SYP: variants seen among roughly 807,000 people sequenced by gnomAD.
SYP encodes synaptophysin, also known as major synaptic vesicle protein P38.
In SYP, 2 loss-of-function variants were observed where a neutral mutation model predicts 24.3. That is an observed-to-expected ratio of 0.08 (90% CI 0.03 to 0.26). The LOEUF (loss-of-function observed/expected upper bound fraction) is 0.26. Ranked by LOEUF, SYP falls within the 10% of genes least tolerant of loss-of-function variation. The pLI is 1.00. For missense variants in SYP, 216 were observed against 266.3 expected, an observed-to-expected ratio of 0.81 and a Z score of 1.32; for synonymous variants, 143 against 123.2, an observed-to-expected ratio of 1.16 and a Z score of -1.07.
At chrX:49,192,981 A>G (rs1557102936) in intron 5 of SYP, among the ~76,000 whole-genome samples, 1 of 111,731 alleles carries the variant, frequency 9.0e-6, no homozygotes, top group African/African-American at 3.3e-5. Flanking sequence ...CATTTTGCAC[A>G]TGAGGAAACT....
At chrX:49,199,567 G>A (rs782730055) in intron 1 of SYP, among the ~76,000 whole-genome samples, 1 of 105,822 alleles carries the variant, frequency 9.4e-6, no homozygotes, top group East Asian at 3.0e-4. Flanking sequence ...GAGACATGGC[G>A]GAGAGGGTCT....
chrX:49,196,111 A>G (rs782291179), intron 3 of SYP, among the ~76,000 whole-genome samples: 1 of 111,255 alleles, frequency 9.0e-6, no homozygotes, highest in Non-Finnish European at 1.9e-5. Flanking sequence ...TTAGGACCCA[A>G]AGTTCTAGAC....
intron 1 of SYP, 179 bp from the exon 2 acceptor site, chrX:49,199,212 G>A: frequency 2.1e-6 from 1 of 482,638 alleles, no homozygotes; most frequent in Admixed American, 3.0e-5. Flanking sequence ...TGGTGGGAAG[G>A]TCTGAAGAGA....
intron 5 of SYP, 88 bp downstream of exon 5, chrX:49,193,182 ACT>A: frequency 9.5e-7 from 1 of 1,054,496 alleles, no homozygotes; most frequent in African/African-American, 1.9e-5. Context: ...ATCTCCCCTG[ACT>A]CTCCTCTTAT....
Position 49,199,022 on chromosome X carries a change from C to A in SYP, c.48G>T (p.Gly16=). The part of the protein sequence containing the change: ...DMDVVNQLVA[G]GQFRVVKEPL... Reference sequence around the variant, plus strand: ...GCTCCTTGACCACCCGGAACTGACCCCCAGCCACCAGCTGAGGAGAGAAAC... The same window carrying A: ...GCTCCTTGACCACCCGGAACTGACCACCAGCCACCAGCTGAGGAGAGAAAC... The change falls in exon 2 of 7, where the codon GGG becomes GGT. Residue 16 remains glycine, a synonymous_variant. Transcript: ENST00000263233. 2 of 1,211,584 alleles carry A rather than the reference C, an allele frequency of 1.7e-6. No individual in the cohort carries two copies.
chrX:49,198,758 C>T (rs1309935214), intron 2 of SYP: 2 of 435,820 alleles, frequency 4.6e-6, no homozygotes, highest in Non-Finnish European at 8.1e-6. Context: ...CACTTCACAA[C>T]GGGGGTACCC....
At chrX:49,192,460 T>G (rs2065513727) in intron 5 of SYP, among the ~76,000 whole-genome samples, 1 of 112,934 alleles carries the variant, frequency 8.9e-6, no homozygotes, top group Non-Finnish European at 1.9e-5. Flanking sequence ...CCCATAGTGC[T>G]GGGATTACTG....
At chrX:49,194,428 T>C in intron 3 of SYP, 67 bp from the exon 4 acceptor site, 4 of 1,082,297 alleles carry the variant, frequency 3.7e-6, no homozygotes, top group Non-Finnish European at 5.1e-6. Context: ...AGCCCAATCA[T>C]GGGTCCCCCC....
chrX:49,199,212 G>T, intron 1 of SYP, 179 bp from the exon 2 acceptor site: 1 of 482,638 alleles, frequency 2.1e-6, no homozygotes, highest in Non-Finnish European at 3.7e-6. Context: ...TGGTGGGAAG[G>T]TCTGAAGAGA....
At chrX:49,196,660 G>A (rs1159406109) in intron 3 of SYP, among the ~76,000 whole-genome samples, 1 of 111,508 alleles carries the variant, frequency 9.0e-6, no homozygotes, top group Non-Finnish European at 1.9e-5. Flanking sequence ...AATAGTGGGG[G>A]AGTCTCAGAA....
Position 49,191,700 on chromosome X carries a change from C to T in SYP, c.679G>A (p.Gly227Ser). ...GCGCGCAGGAACGGGGCGGCCCAGCCTGTCTCCTTAAACACGAACCACAGG... is the reference window on the plus strand; with the variant it reads ...GCGCGCAGGAACGGGGCGGCCCAGCTTGTCTCCTTAAACACGAACCACAGG... ...GNLWFVFKET[G>S]WAAPFLRAPP... Residue 227 changes from glycine to serine, a missense_variant, in exon 6 of 7, where the codon GGC becomes AGC. This residue lies in a region of SYP where 114 missense variants were observed against 107.9 expected (regional missense o/e 1.06). Coordinates refer to ENST00000263233, the MANE Select transcript of SYP (RefSeq NM_003179.3). 1 of 1,208,665 alleles carries T rather than the reference C, an allele frequency of 8.3e-7. No individual in the cohort carries two copies. Among genetic ancestry groups the T allele is most frequent in the Non-Finnish European group, 1.1e-6 (1 of 894,091 alleles).
chrX:49,194,498 A>G, intron 3 of SYP, 137 bp from the exon 4 acceptor site: 2 of 573,938 alleles, frequency 3.5e-6, no homozygotes, highest in Non-Finnish European at 5.6e-6. Context: ...CCTACTATGT[A>G]CCAGTCACAT....
Position 49,191,594 on chromosome X carries a change from T to C in SYP, c.785A>G (p.Tyr262Cys). ...DAGYGQGPGGYGPQDSYGPQG... is the reference protein window; with the variant it reads ...DAGYGQGPGGCGPQDSYGPQG... The stretch of plus-strand genomic sequence containing the variant: ...AGGCCCGTAGGAATCCTGGGGCCCG[T>C]ACCCGCCGGGGCCCTGCCCGTAGCC... Residue 262 changes from tyrosine (Y) to cysteine (C), a missense_variant, in exon 6 of 7, where the codon TAC (tyrosine) becomes TGC (cysteine). By Grantham distance (194) the Tyr-to-Cys change is radical (BLOSUM62 -2). Around this residue, in one of 2 missense-constraint regions of SYP, gnomAD observed 114 missense variants for 107.9 expected, o/e 1.06. Coordinates refer to ENST00000263233, the MANE Select transcript of SYP (RefSeq NM_003179.3). 1 of 1,209,137 alleles carries C rather than the reference T, an allele frequency of 8.3e-7. No individual in the cohort carries two copies. The highest frequency in any genetic ancestry group is 1.8e-5 in the South Asian group (1 of 56,815).
chrX:49,194,309 C>G lies in SYP; in HGVS notation c.280G>C (p.Val94Leu), dbSNP rs2065520938. Reference sequence around the variant, plus strand: ...GAGGAGTAGTCCCCAACTAAGAAGACCTTGGTGGTGCCCCCTCGGCAGGTG... The same window carrying G: ...GAGGAGTAGTCCCCAACTAAGAAGAGCTTGGTGGTGCCCCCTCGGCAGGTG... ...APTCRGGTTK[V>L]FLVGDYSSSA... Residue 94 changes from valine (V) to leucine (L), a missense_variant, in exon 4 of 7, where the codon GTC (valine) becomes CTC (leucine). Around this residue, in one of 2 missense-constraint regions of SYP, gnomAD observed 102 missense variants for 158.4 expected, o/e 0.64. Coordinates refer to ENST00000263233, the MANE Select transcript of SYP (RefSeq NM_003179.3). 8.3e-7 allele frequency: 1 copy of G among 1,211,410 alleles called. No individual in the cohort carries two copies. The highest frequency in any genetic ancestry group is 1.7e-5 in the African/African-American group (1 of 57,737).
At position 49,191,782 on chromosome X, in the gene SYP, C is replaced by T. The variant is rs200447505; in HGVS notation, c.616-19G>A. ...CGAACACCTGCAGGGAGACAAGGCT[C>T]GGCTGTGGTACCCCGCCCATTGCCT... On this transcript the variant is annotated intron_variant, in intron 5 of 6. Transcript: ENST00000263233. The T allele has an allele frequency of 3.4e-6, 4 of 1,190,075 alleles. No individual in the cohort carries two copies. Among genetic ancestry groups the T allele is most frequent in the East Asian group, 3.1e-5 (1 of 32,775 alleles).
intron 3 of SYP, among the ~76,000 whole-genome samples, chrX:49,194,704 C>CTTTTTTTTTT (rs34247999): frequency 1.6e-4 from 9 of 57,415 alleles, no homozygotes; most frequent in Admixed American, 2.2e-4. Flanking sequence ...CCCTCATCTC[C>CTTTTTTTTTT]TTTTTTTTTT....
chrX:49,191,277 GT>G (rs1211115348), intron 6 of SYP, 155 bp downstream of exon 6: 1 of 574,838 alleles, frequency 1.7e-6, no homozygotes, highest in Non-Finnish European at 2.9e-6. Context: ...CTCTTAGCAG[GT>G]AGTTCTGCCT....
intron 2 of SYP, 176 bp from the exon 3 acceptor site, chrX:49,198,015 G>A: frequency 1.8e-6 from 1 of 545,077 alleles, no homozygotes; most frequent in Non-Finnish European, 3.0e-6. Flanking sequence ...CAAGGGTATG[G>A]CTGTCTCTTC....
intron 5 of SYP, among the ~76,000 whole-genome samples, chrX:49,192,693 G>T (rs2065514388): frequency 8.9e-6 from 1 of 112,120 alleles, no homozygotes; most frequent in South Asian, 3.6e-4. Flanking sequence ...TGACAGGAAA[G>T]AAAAGTTGTA....
Sources: allele counts gnomAD v4.1 joint callset (sites outside exome capture counted in the v4.1 genomes callset), GRCh38; gene constraint gnomAD v4.1.1; regional missense constraint gnomAD v4.1.1; transcripts MANE v1.5; gene names NCBI Gene and HGNC (gene_info 2026-07-23, HGNC 2026-07-21).